The following BORCS5 variants were observed in gnomAD, a reference collection of about 807,000 sequenced individuals.
The protein encoded by BORCS5 is BLOC-1 related complex subunit 5.
In BORCS5, 17 loss-of-function variants were observed where a neutral mutation model predicts 22.1. That is an observed-to-expected ratio of 0.77 (90% CI 0.53 to 1.15). BORCS5 has a LOEUF of 1.15. Among genes scored for constraint, BORCS5 ranks in the 50% most tolerant of loss-of-function variants. The pLI, the probability that BORCS5 is intolerant of heterozygous loss-of-function variation, is 0.00. For synonymous variants in BORCS5, 117 were observed against 99.8 expected, an observed-to-expected ratio of 1.17 and a Z score of -1.03; for missense variants, 247 against 253.2, an observed-to-expected ratio of 0.98 and a Z score of 0.17.
intron 2 of BORCS5, among the ~76,000 whole-genome samples, chr12:12,415,393 A>C (rs1419804317): frequency 2.6e-4 from 39 of 150,800 alleles, no homozygotes; most frequent in African/African-American, 8.6e-4. Context: ...CCAAAAAAAA[A>C]ACGAAAACCA....
chr12:12,445,775 A>G (rs1350754712), intron 3 of BORCS5, among the ~76,000 whole-genome samples: 1 of 149,296 alleles, frequency 6.7e-6, no homozygotes, highest in Non-Finnish European at 1.5e-5. Flanking sequence ...CTAGGATTAC[A>G]GGTGCGTGAC....
At chr12:12,390,472 G>T (rs947652764) in intron 2 of BORCS5, among the ~76,000 whole-genome samples, 21 of 152,030 alleles carry the variant, frequency 1.4e-4, no homozygotes, top group African/African-American at 4.1e-4. Context: ...TAGAAGGAAG[G>T]ATAACTAGAA....
intron 2 of BORCS5, among the ~76,000 whole-genome samples, chr12:12,407,430 A>G (rs1941618192): frequency 6.6e-6 from 1 of 151,786 alleles, no homozygotes; most frequent in African/African-American, 2.4e-5. Flanking sequence ...GTATTGTGGA[A>G]TATTTTTGCT....
At chr12:12,377,323 C>T (rs150469341) in intron 2 of BORCS5, among the ~76,000 whole-genome samples, 42 of 152,120 alleles carry the variant, frequency 2.8e-4, no homozygotes, top group Admixed American at 5.2e-4. Context: ...GGACTACAGG[C>T]GCGCACCACC....
At chr12:12,465,140 C>T (rs1943175807) in intron 3 of BORCS5, among the ~76,000 whole-genome samples, 1 of 152,048 alleles carries the variant, frequency 6.6e-6, no homozygotes, top group Non-Finnish European at 1.5e-5. Context: ...CCCATCTGCT[C>T]CTAGTTTTTT....
At chr12:12,421,356 T>TGATA (rs1370762090) in intron 2 of BORCS5, among the ~76,000 whole-genome samples, 1 of 152,222 alleles carries the variant, frequency 6.6e-6, no homozygotes, top group Non-Finnish European at 1.5e-5. Flanking sequence ...TTACGTTTAT[T>TGATA]GATTTGTGTA....
chr12:12,465,905 A>G lies in BORCS5; in HGVS notation c.*129A>G. On this transcript the variant is annotated 3_prime_UTR_variant, in exon 4 of 4. Transcript: ENST00000314565. ...GGCTCCCTGAAAGTGGGTGCGAAGG[A>G]GTCCGGCTGGCATGAAAATCTGACT... 1.4e-6 allele frequency: 1 copy of G among 711,562 alleles called. No individual in the cohort carries two copies. The highest frequency in any genetic ancestry group is 2.3e-6 in the Non-Finnish European group (1 of 439,042). The allele number at this position is 711,562 out of a possible 1,614,324, so 44.1% of individuals were successfully genotyped here. A position where few individuals can be genotyped will look rare whatever the true frequency, so the allele number is the denominator to read the frequency against.
chr12:12,465,870 G>C lies in BORCS5; in HGVS notation c.*94G>C. 9.2e-7 allele frequency: 1 copy of C among 1,083,462 alleles called. No individual in the cohort carries two copies. The highest frequency in any genetic ancestry group is 1.3e-6 in the Non-Finnish European group (1 of 768,766). The allele number at this position is 1,083,462 out of a possible 1,614,324, so 67.1% of individuals were successfully genotyped here. ...TCATATCATCTGACCAGGTCTGGAG[G>C]CTGGCGGGAGGCTCCCTGAAAGTGG... is the stretch of plus-strand genomic sequence containing the variant. On this transcript the variant is annotated 3_prime_UTR_variant, in exon 4 of 4. Coordinates refer to ENST00000314565, the MANE Select transcript of BORCS5 (RefSeq NM_058169.6).
At chr12:12,376,596 T>G (rs577643335) in intron 2 of BORCS5, among the ~76,000 whole-genome samples, 1 of 152,178 alleles carries the variant, frequency 6.6e-6, no homozygotes, top group Non-Finnish European at 1.5e-5. Context: ...TCTTTTTATT[T>G]CAGTAAATCT....
At chr12:12,368,606 AT>A (rs563081728) in intron 2 of BORCS5, among the ~76,000 whole-genome samples, 752 of 140,308 alleles carry the variant, frequency 5.4e-3, no homozygotes, top group Non-Finnish European at 5.5e-3. Flanking sequence ...CACCTGGCTA[AT>A]TTTTTTTTTT....
At chr12:12,435,899 T>G in intron 3 of BORCS5, 114 bp downstream of exon 3, 1 of 1,059,558 alleles carries the variant, frequency 9.4e-7, no homozygotes, top group Non-Finnish European at 1.3e-6. Flanking sequence ...GATTGCTTTT[T>G]CCCAGCAGTA....
intron 2 of BORCS5, among the ~76,000 whole-genome samples, chr12:12,422,557 T>C (rs1942160551): frequency 6.6e-6 from 1 of 151,750 alleles, no homozygotes; most frequent in Admixed American, 6.6e-5. Context: ...GCCGAGATCG[T>C]GGCACTGCAC....
intron 3 of BORCS5, among the ~76,000 whole-genome samples, chr12:12,445,047 G>A (rs563036473): frequency 2.0e-5 from 3 of 152,286 alleles, no homozygotes; most frequent in African/African-American, 7.2e-5. Context: ...GAACAATCTT[G>A]TTTTAGAGAC....
At position 12,468,337 on chromosome 12, in the gene BORCS5, A is replaced by T. The variant is rs975588348; in HGVS notation, c.*2561A>T. ...TGGGAGTCTGAGTGATTTGTATTTC[A>T]AGAAGCAGTTATGCTGGATCTCTTT... On this transcript the variant is annotated 3_prime_UTR_variant, in exon 4 of 4. Coordinates refer to ENST00000314565, the MANE Select transcript of BORCS5 (RefSeq NM_058169.6). 5 of 152,202 alleles carry T rather than the reference A, an allele frequency of 3.3e-5. No individual in the cohort carries two copies. The highest frequency in any genetic ancestry group is 5.9e-5 in the Non-Finnish European group (4 of 68,052). The allele number at this position is 152,202 out of a possible 1,614,324, so 9.4% of individuals were successfully genotyped here. A position where few individuals can be genotyped will look rare whatever the true frequency, so the allele number is the denominator to read the frequency against.
At chr12:12,441,633 C>T (rs926017517) in intron 3 of BORCS5, among the ~76,000 whole-genome samples, 1 of 151,972 alleles carries the variant, frequency 6.6e-6, no homozygotes, top group South Asian at 2.1e-4. Context: ...TACTTGATAC[C>T]AGCAGCTGTC....
rs1169521807 is a variant in BORCS5, at chr12:12,466,157, CTG to C, written c.*385_*386del. ...CAAGGGGAAAATATTTTACGAAGCTCTGTGTTCTCAACGCCCTCATGAACTTT... is the reference window on the plus strand; with the variant it reads ...CAAGGGGAAAATATTTTACGAAGCTCTGTTCTCAACGCCCTCATGAACTTT... On this transcript the variant is annotated 3_prime_UTR_variant, in exon 4 of 4. Transcript: ENST00000314565. 1.1e-5 allele frequency: 2 copies of C among 176,994 alleles called. No homozygotes were observed. Among genetic ancestry groups the C allele is most frequent in the Non-Finnish European group, 2.4e-5 (2 of 84,438 alleles). The allele number at this position is 176,994 out of a possible 1,614,324, so 11.0% of individuals were successfully genotyped here. A position where few individuals can be genotyped will look rare whatever the true frequency, so the allele number is the denominator to read the frequency against.
intron 3 of BORCS5, among the ~76,000 whole-genome samples, chr12:12,460,476 G>A (rs555072936): frequency 6.6e-6 from 1 of 152,218 alleles, no homozygotes; most frequent in African/African-American, 2.4e-5. Context: ...TAATTTCTTT[G>A]CCTTTTACTT....
At chr12:12,422,924 C>G (rs1316032196) in intron 2 of BORCS5, among the ~76,000 whole-genome samples, 3 of 151,220 alleles carry the variant, frequency 2.0e-5, no homozygotes, top group African/African-American at 7.3e-5. Flanking sequence ...GAGCTACAAA[C>G]CATGGTTACA....
intron 2 of BORCS5, among the ~76,000 whole-genome samples, chr12:12,426,413 G>A (rs1274330028): frequency 6.6e-6 from 1 of 152,210 alleles, no homozygotes; most frequent in East Asian, 1.9e-4. Context: ...TAATTTTATA[G>A]CAGTGAACAG....
Sources: allele counts gnomAD v4.1 joint callset (sites outside exome capture counted in the v4.1 genomes callset), GRCh38; gene constraint gnomAD v4.1.1; transcripts MANE v1.5; gene names NCBI Gene and HGNC (gene_info 2026-07-23, HGNC 2026-07-21).